PTPRD: variants seen among roughly 807,000 people sequenced by gnomAD.
The protein encoded by PTPRD is receptor-type tyrosine-protein phosphatase delta.
In PTPRD, 34 loss-of-function variants were observed where a neutral mutation model predicts 214.5. The ratio of observed to expected loss-of-function variants is 0.16; its 90% CI spans 0.12 to 0.21. The LOEUF (loss-of-function observed/expected upper bound fraction) is 0.21. PTPRD is among the 10% of genes least tolerant of loss of function. PTPRD has a pLI of 1.00. For missense variants in PTPRD, 2,545 were observed against 2,398.7 expected (o/e 1.06, Z -1.27); for synonymous variants, 1,128 against 845.7 (o/e 1.33, Z -5.79).
chr9:9,301,999 T>G (rs1262370928), intron 9 of PTPRD, among the ~76,000 whole-genome samples: 1 of 151,982 alleles, frequency 6.6e-6, no homozygotes, highest in Non-Finnish European at 1.5e-5. Context: ...CTGATCAGCC[T>G]GCCGTGGCTG....
chr9:8,428,850 T>A (rs2094863268), intron 35 of PTPRD, among the ~76,000 whole-genome samples: 1 of 152,238 alleles, frequency 6.6e-6, no homozygotes, highest in African/African-American at 2.4e-5. Context: ...GATGACTGTT[T>A]TACTAATGAT....
intron 9 of PTPRD, among the ~76,000 whole-genome samples, chr9:9,247,375 A>G (rs1333685700): frequency 6.8e-6 from 1 of 146,448 alleles, no homozygotes; most frequent in Non-Finnish European, 1.5e-5. Context: ...ACAAAATTAG[A>G]CAGTTTCTTC....
intron 5 of PTPRD, among the ~76,000 whole-genome samples, chr9:9,808,412 C>A (rs531161619): frequency 3.9e-5 from 6 of 152,246 alleles, no homozygotes; most frequent in South Asian, 2.1e-4. Flanking sequence ...TGTCTTAAAA[C>A]CCCCTTTCTA....
chr9:9,719,235 G>A (rs2097890935), intron 7 of PTPRD, among the ~76,000 whole-genome samples: 1 of 152,138 alleles, frequency 6.6e-6, no homozygotes, highest in Non-Finnish European at 1.5e-5. Context: ...TCTCTGCTGA[G>A]AGCTGTGCTG....
chr9:9,942,740 T>A (rs1398372223), intron 4 of PTPRD, among the ~76,000 whole-genome samples: 1 of 152,194 alleles, frequency 6.6e-6, no homozygotes, highest in East Asian at 1.9e-4. Flanking sequence ...GTTTTCATAA[T>A]ATTTAAAGAC....
At chr9:9,898,856 G>C (rs1037304560) in intron 5 of PTPRD, among the ~76,000 whole-genome samples, 2 of 151,960 alleles carry the variant, frequency 1.3e-5, no homozygotes, top group African/African-American at 4.8e-5. Flanking sequence ...AAACCCACAG[G>C]ATTAAAATCT....
intron 11 of PTPRD, among the ~76,000 whole-genome samples, chr9:8,834,269 G>C (rs1341472005): frequency 6.6e-6 from 1 of 151,898 alleles, no homozygotes; most frequent in Non-Finnish European, 1.5e-5. Flanking sequence ...TTTTTAGATA[G>C]ATTTTTAAAA....
At chr9:9,352,704 G>A (rs1395419742) in intron 9 of PTPRD, among the ~76,000 whole-genome samples, 2 of 151,858 alleles carry the variant, frequency 1.3e-5, no homozygotes, top group Non-Finnish European at 1.5e-5. Context: ...TGATAACTAT[G>A]AATTATGTCT....
At chr9:9,261,800 C>T (rs929541492) in intron 9 of PTPRD, among the ~76,000 whole-genome samples, 4 of 151,560 alleles carry the variant, frequency 2.6e-5, no homozygotes, top group Non-Finnish European at 4.4e-5. Flanking sequence ...GTGGCTCCTT[C>T]GTTATTTCAC....
chr9:8,990,260 T>A lies in PTPRD; in HGVS notation c.-104+28437A>T, dbSNP rs143699635. On this transcript the variant is annotated intron_variant, in intron 11 of 45. Transcript: ENST00000381196. ...TTGCAACACACTAAAGGAGCAAGGG[T>A]CCCACTTAGAAATAGCCATTGTTAA... is the stretch of plus-strand genomic sequence containing the variant. 7.9e-5 allele frequency among the ~76,000 whole-genome samples: 12 copies of A among 152,204 alleles called. No homozygotes were observed. The East Asian group carries it at 2.3e-3, about 29-fold the overall frequency.
At chr9:8,447,805 A>T (rs903880070) in intron 34 of PTPRD, among the ~76,000 whole-genome samples, 3 of 152,132 alleles carry the variant, frequency 2.0e-5, no homozygotes, top group African/African-American at 4.8e-5. Context: ...AGCACAAATG[A>T]CATTTATGTG....
At chr9:9,168,244 C>A (rs1448786658) in intron 10 of PTPRD, among the ~76,000 whole-genome samples, 1 of 152,142 alleles carries the variant, frequency 6.6e-6, no homozygotes, top group South Asian at 2.1e-4. Context: ...GGTTACTTAC[C>A]CTTCTTCTAG....
intron 35 of PTPRD, among the ~76,000 whole-genome samples, chr9:8,417,971 C>T (rs1001838227): frequency 4.6e-5 from 7 of 152,128 alleles, no homozygotes; most frequent in Non-Finnish European, 8.8e-5. Flanking sequence ...TCTGTGTCTA[C>T]ATTTGACTTA....
intron 2 of PTPRD, among the ~76,000 whole-genome samples, chr9:10,376,891 T>G (rs1474119574): frequency 6.6e-6 from 1 of 152,024 alleles, no homozygotes; most frequent in Non-Finnish European, 1.5e-5. Context: ...CATTTATCCT[T>G]TGTGTTATAA....
At chr9:8,427,934 T>C (rs150730599) in intron 35 of PTPRD, among the ~76,000 whole-genome samples, 75 of 152,270 alleles carry the variant, frequency 4.9e-4, no homozygotes, top group Admixed American at 2.4e-3. Context: ...AAATAAGTAA[T>C]AGTTACTAAG....
At chr9:10,218,700 G>T (rs1014790526) in intron 3 of PTPRD, among the ~76,000 whole-genome samples, 4 of 151,686 alleles carry the variant, frequency 2.6e-5, no homozygotes, top group Non-Finnish European at 5.9e-5. Flanking sequence ...TAGACATAAA[G>T]AAATGTCTGG....
At chr9:9,021,848 C>A (rs1472738825) in intron 10 of PTPRD, among the ~76,000 whole-genome samples, 1 of 151,882 alleles carries the variant, frequency 6.6e-6, no homozygotes, top group African/African-American at 2.4e-5. Context: ...ACAATGTGTG[C>A]TTTAAGCTAA....
intron 34 of PTPRD, among the ~76,000 whole-genome samples, chr9:8,441,612 G>A (rs1415145464): frequency 6.6e-6 from 1 of 151,910 alleles, no homozygotes; most frequent in Non-Finnish European, 1.5e-5. Context: ...GGAGTGTTGG[G>A]AGTGACAGAC....
rs899753436 is a variant in PTPRD, at chr9:10,514,127, G to T, written c.-600+98271C>A. On this transcript the variant is annotated intron_variant, in intron 2 of 45. Transcript: ENST00000381196. ...ATATGGAACAAGTGAGTAAAGGTCA[G>T]TTTATAACTTGGATAACATATTTAT... 4.6e-5 allele frequency among the ~76,000 whole-genome samples: 7 copies of T among 152,070 alleles called. No individual in the cohort carries two copies. The South Asian group carries it at 6.2e-4, about 14-fold the overall frequency.
Sources: allele counts gnomAD v4.1 joint callset (sites outside exome capture counted in the v4.1 genomes callset), GRCh38; gene constraint gnomAD v4.1.1; transcripts MANE v1.5; gene names NCBI Gene and HGNC (gene_info 2026-07-23, HGNC 2026-07-21).